Variants in SYN3 observed in about 807,000 individuals in gnomAD.
SYN3 encodes the protein synapsin-3.
In SYN3, 35 loss-of-function variants were observed where a neutral mutation model predicts 65.8. The observed-to-expected ratio is 0.53, with a 90% CI of 0.41 to 0.70. The LOEUF is 0.70. Among genes scored for constraint, SYN3 ranks in the 30% least tolerant of loss-of-function variants. The probability of loss-of-function intolerance (pLI) is 0.00; values close to 1 mark genes in which losing one functional copy is unlikely to be tolerated. For missense variants in SYN3, 680 were observed against 749.0 expected (o/e 0.91, Z 1.08); for synonymous variants, 270 against 292.9 (o/e 0.92, Z 0.80).
At chr22:32,971,033 C>T (rs1467481453) in intron 3 of SYN3, among the ~76,000 whole-genome samples, 1 of 152,206 alleles carries the variant, frequency 6.6e-6, no homozygotes, top group East Asian at 1.9e-4. Flanking sequence ...CAGCAACAGG[C>T]ATACTGTGTG....
At chr22:32,885,188 T>A (rs2049255510) in intron 4 of SYN3, among the ~76,000 whole-genome samples, 1 of 151,930 alleles carries the variant, frequency 6.6e-6, no homozygotes, top group African/African-American at 2.4e-5. Flanking sequence ...TTTGACAGTA[T>A]CTGCTTATAT....
intron 6 of SYN3, among the ~76,000 whole-genome samples, chr22:32,796,392 TGCGAATGTAGCCAGAG>T (rs1012473595): frequency 2.6e-5 from 4 of 152,154 alleles, no homozygotes; most frequent in African/African-American, 9.7e-5. Flanking sequence ...TGAGGATTCA[TGCGAATGTAGCCAGAG>T]GCGAATGTAG....
At chr22:32,700,569 G>A (rs2060798008) in intron 6 of SYN3, among the ~76,000 whole-genome samples, 1 of 152,178 alleles carries the variant, frequency 6.6e-6, no homozygotes. Context: ...GTCCCCAACA[G>A]CTATTGTCCC....
At chr22:32,532,242 A>G (rs114417974) in intron 10 of SYN3, among the ~76,000 whole-genome samples, 27 of 152,388 alleles carry the variant, frequency 1.8e-4, no homozygotes, top group Non-Finnish European at 3.1e-4. Flanking sequence ...ATCTGGGTTC[A>G]TGTCTGGTGG....
intron 6 of SYN3, among the ~76,000 whole-genome samples, chr22:32,741,198 G>A (rs1353592028): frequency 1.3e-5 from 2 of 151,978 alleles, no homozygotes; most frequent in African/African-American, 4.8e-5. Context: ...TTTTACATTG[G>A]TCAACTCATT....
At position 32,523,519 on chromosome 22, in the gene SYN3, C is replaced by A. The variant is rs566101042; in HGVS notation, c.1318+4399G>T. Reference sequence around the variant, plus strand: ...AAGAGCTAGACTCCATCTCAAAAAACAAACAAACAAACAAACAAAAAAAGA... The same window carrying A: ...AAGAGCTAGACTCCATCTCAAAAAAAAAACAAACAAACAAACAAAAAAAGA... On this transcript the variant is annotated intron_variant, in intron 12 of 13. Coordinates refer to ENST00000358763, the MANE Select transcript of SYN3 (RefSeq NM_003490.4). Among the ~76,000 whole-genome samples the A allele has an allele frequency of 2.6e-5, 4 of 151,924 alleles. No homozygotes were observed. In the East Asian group the frequency reaches 7.7e-4, roughly 29 times the overall value.
At chr22:32,641,334 C>T (rs1333164706) in intron 6 of SYN3, among the ~76,000 whole-genome samples, 2 of 152,054 alleles carry the variant, frequency 1.3e-5, no homozygotes, top group Admixed American at 6.5e-5. Context: ...TGGGGCCGGG[C>T]GCGGTGGTTC....
intron 6 of SYN3, among the ~76,000 whole-genome samples, chr22:32,786,305 A>C (rs1008169201): frequency 5.9e-5 from 9 of 152,244 alleles, no homozygotes; most frequent in Admixed American, 5.9e-4. Context: ...CACACTACAA[A>C]AGTTGATGGT....
chr22:32,904,744 C>T (rs536287904), intron 4 of SYN3, among the ~76,000 whole-genome samples: 1 of 152,332 alleles, frequency 6.6e-6, no homozygotes, highest in Admixed American at 6.5e-5. Flanking sequence ...AACACTTGGA[C>T]TGTGGACTCT....
intron 6 of SYN3, among the ~76,000 whole-genome samples, chr22:32,725,041 T>C (rs1300059433): frequency 6.6e-6 from 1 of 152,212 alleles, no homozygotes; most frequent in East Asian, 1.9e-4. Flanking sequence ...CGTTTGAATC[T>C]AGAAGGTGGA....
At chr22:32,648,367 A>G (rs1360638107) in intron 6 of SYN3, among the ~76,000 whole-genome samples, 1 of 152,156 alleles carries the variant, frequency 6.6e-6, no homozygotes, top group Non-Finnish European at 1.5e-5. Flanking sequence ...TTTTCCATTT[A>G]TGGTAGTCAT....
intron 4 of SYN3, among the ~76,000 whole-genome samples, chr22:32,876,870 T>C (rs1433804382): frequency 6.6e-6 from 1 of 152,370 alleles, no homozygotes; most frequent in African/African-American, 2.4e-5. Context: ...AAAATTTCCA[T>C]TTTCATTATA....
At chr22:32,969,134 CAAGG>C (rs1343978838) in intron 3 of SYN3, among the ~76,000 whole-genome samples, 1 of 152,106 alleles carries the variant, frequency 6.6e-6, no homozygotes, top group Non-Finnish European at 1.5e-5. Flanking sequence ...AGCTAAAGGC[CAAGG>C]AACTGAGCTG....
At chr22:32,678,800 T>C (rs1188435098) in intron 6 of SYN3, among the ~76,000 whole-genome samples, 1 of 152,118 alleles carries the variant, frequency 6.6e-6, no homozygotes, top group African/African-American at 2.4e-5. Context: ...TTCCTTCATA[T>C]TCTTTGCTGG....
chr22:32,736,274 G>T (rs1175074038), intron 6 of SYN3, among the ~76,000 whole-genome samples: 1 of 152,104 alleles, frequency 6.6e-6, no homozygotes, highest in Non-Finnish European at 1.5e-5. Flanking sequence ...CAGATCCCAG[G>T]CAATCTCTTA....
intron 6 of SYN3, among the ~76,000 whole-genome samples, chr22:32,834,881 C>T (rs2047684429): frequency 6.6e-6 from 1 of 152,202 alleles, no homozygotes; most frequent in Non-Finnish European, 1.5e-5. Flanking sequence ...AAAGAATCCT[C>T]CATTCAAGCT....
At chr22:32,830,955 T>G (rs887267137) in intron 6 of SYN3, among the ~76,000 whole-genome samples, 1 of 152,048 alleles carries the variant, frequency 6.6e-6, no homozygotes, top group African/African-American at 2.4e-5. Flanking sequence ...AAATGTGTGT[T>G]TTTTTTTCCC....
intron 6 of SYN3, among the ~76,000 whole-genome samples, chr22:32,740,381 G>A (rs2061389231): frequency 6.6e-6 from 1 of 152,156 alleles, no homozygotes; most frequent in African/African-American, 2.4e-5. Context: ...GGAGAAGCTT[G>A]GGGAATGGAA....
At chr22:32,867,643 C>G (rs5749532) in intron 5 of SYN3, among the ~76,000 whole-genome samples, 1 of 152,006 alleles carries the variant, frequency 6.6e-6, no homozygotes, top group African/African-American at 2.4e-5. Context: ...AGCGCAGTGG[C>G]GCAATCTCAG....
Sources: allele counts gnomAD v4.1 joint callset (sites outside exome capture counted in the v4.1 genomes callset), GRCh38; gene constraint gnomAD v4.1.1; transcripts MANE v1.5; gene names NCBI Gene and HGNC (gene_info 2026-07-23, HGNC 2026-07-21).